Variants in ANKS1A observed in about 807,000 individuals in gnomAD.
ANKS1A encodes the protein ankyrin repeat and SAM domain-containing protein 1A.
In ANKS1A, 55 loss-of-function variants were observed where a neutral mutation model predicts 120.3. The observed-to-expected ratio is 0.46, with a 90% confidence interval of 0.37 to 0.57. The LOEUF (loss-of-function observed/expected upper bound fraction) is 0.57. Among genes scored for constraint, ANKS1A ranks in the 20% least tolerant of loss-of-function variants. ANKS1A has a pLI of 0.00. For synonymous variants in ANKS1A, 590 were observed against 604.7 expected (o/e 0.98, Z 0.36); for missense variants, 1,123 against 1,480.3 (o/e 0.76, Z 3.96).
At chr6:35,056,750 T>C (rs1245539766) in intron 12 of ANKS1A, among the ~76,000 whole-genome samples, 1 of 152,110 alleles carries the variant, frequency 6.6e-6, no homozygotes, top group Non-Finnish European at 1.5e-5. Flanking sequence ...CAGGCACATG[T>C]GGGGGACCAC....
chr6:34,927,682 G>A lies in ANKS1A; in HGVS notation c.197+38083G>A, dbSNP rs78847208. 3.0e-4 allele frequency among the ~76,000 whole-genome samples: 45 copies of A among 152,288 alleles called. No homozygotes were observed. In the East Asian group the frequency reaches 7.5e-3, roughly 25 times the overall value. On this transcript the variant is annotated intron_variant, in intron 1 of 23. Transcript: ENST00000360359. ...CATAAAGAGGCAGGTGTAAGTCTTG[G>A]TATTGTTTTGAAACAGTACTGTAAT...
At chr6:35,032,012 G>A (rs1015754218) in intron 11 of ANKS1A, among the ~76,000 whole-genome samples, 1 of 152,194 alleles carries the variant, frequency 6.6e-6, no homozygotes, top group Non-Finnish European at 1.5e-5. Context: ...CACTGATGGA[G>A]AGCCTACTGT....
chr6:34,994,524 G>A, intron 10 of ANKS1A, 102 bp downstream of exon 10: 1 of 1,490,672 alleles, frequency 6.7e-7, no homozygotes, highest in Admixed American at 1.9e-5. Context: ...ATATTCCTTG[G>A]GTTGTGGTGG....
chr6:35,012,134 A>G (rs1317058110), intron 10 of ANKS1A, among the ~76,000 whole-genome samples: 2 of 152,154 alleles, frequency 1.3e-5, no homozygotes, highest in African/African-American at 4.8e-5. Flanking sequence ...CACAGATTCA[A>G]ACTAGCCTAA....
intron 11 of ANKS1A, among the ~76,000 whole-genome samples, chr6:35,041,209 G>A (rs1775440962): frequency 6.6e-6 from 1 of 152,230 alleles, no homozygotes; most frequent in Non-Finnish European, 1.5e-5. Flanking sequence ...TCTTGAGGTT[G>A]TAGCTTCCAC....
At position 35,060,196 on chromosome 6, in the gene ANKS1A, G is replaced by T; in HGVS notation, c.2127G>T (p.Gly709=). ...QSVGEWLESI[G]LQQYESKLLL... is the part of the protein sequence containing the mutation. ...TCGGGGAGTGGCTGGAGTCGATTGG[G>T]CTGCAGCAGTATGAGAGCAAGTTGC... The change falls in exon 13 of 24, where the codon GGG becomes GGT. Residue 709 remains glycine, a synonymous_variant. Coordinates refer to ENST00000360359, the MANE Select transcript of ANKS1A (RefSeq NM_015245.3). The surrounding 1 kb of genome is among the most constrained non-coding windows in gnomAD (Gnocchi z 4.5). The T allele has an allele frequency of 6.2e-7, 1 of 1,612,916 alleles. No homozygotes were observed. The highest frequency in any genetic ancestry group is 8.5e-7 in the Non-Finnish European group (1 of 1,179,776).
rs78133424 is a variant in ANKS1A, at chr6:34,896,425, C to G, written c.197+6826C>G. Among the ~76,000 whole-genome samples the G allele has an allele frequency of 5.9e-4, 90 of 151,928 alleles. 1 individual carries two copies. The highest frequency in any genetic ancestry group is 2.0e-3 in the African/African-American group (85 of 41,484). On this transcript the variant is annotated intron_variant, in intron 1 of 23. Coordinates refer to ENST00000360359, the MANE Select transcript of ANKS1A (RefSeq NM_015245.3). The stretch of plus-strand genomic sequence containing the variant: ...GTGTGATTTTGTTGGGAGGGCAGCC[C>G]TGTTCCTGCATTTTGGAATTGCTGT...
At chr6:34,984,788 A>G (rs141495554) in intron 7 of ANKS1A, among the ~76,000 whole-genome samples, 61 of 152,226 alleles carry the variant, frequency 4.0e-4, no homozygotes, top group African/African-American at 1.3e-3. Flanking sequence ...GGTTAAGTTT[A>G]TGTCATTATG....
the ANKS1A span, among the ~76,000 whole-genome samples, chr6:35,096,425 G>A: frequency 1.3e-5 from 2 of 152,192 alleles, no homozygotes; most frequent in Non-Finnish European, 2.9e-5. Context: ...CTTTTCTGGA[G>A]AATTTACTTT....
At chr6:34,952,553 C>T (rs1470983353) in intron 1 of ANKS1A, among the ~76,000 whole-genome samples, 1 of 152,192 alleles carries the variant, frequency 6.6e-6, no homozygotes, top group Non-Finnish European at 1.5e-5. Flanking sequence ...GACAGATAGA[C>T]AAATACACAC....
rs926594882 is a variant in ANKS1A at position 35,076,479 on chromosome 6, G to A, written c.2185-2079G>A. ...GAGCTCTGGGTGTCCCCAAGTGTGC[G>A]GCACCAGGGCCATGTGGACAGCAGC... On this transcript the variant is annotated intron_variant, in intron 13 of 23. Coordinates refer to ENST00000360359, the MANE Select transcript of ANKS1A (RefSeq NM_015245.3). Among the ~76,000 whole-genome samples, 12 of 152,202 alleles carry A rather than the reference G, an allele frequency of 7.9e-5. 1 individual carries two copies. Among genetic ancestry groups the A allele is most frequent in the African/African-American group, 2.7e-4 (11 of 41,454 alleles).
chr6:34,962,331 T>C (rs1457780362), intron 1 of ANKS1A, among the ~76,000 whole-genome samples: 1 of 152,266 alleles, frequency 6.6e-6, no homozygotes, highest in African/African-American at 2.4e-5. Context: ...TCGAAATACA[T>C]GTATCTTGCT....
rs531058658 is a variant in ANKS1A at position 35,020,512 on chromosome 6, G to A, written c.2010+2453G>A. Among the ~76,000 whole-genome samples the A allele has an allele frequency of 4.6e-5, 7 of 152,242 alleles. No homozygotes were observed. In the South Asian group the frequency reaches 1.5e-3, roughly 32 times the overall value. ...GGCAGTATCTCAGAATCCTTTAAAC[G>A]GGCTGGAAGACAGCTTTACCAGTCT... On this transcript the variant is annotated intron_variant, in intron 11 of 23. Transcript: ENST00000360359.
At chr6:34,945,859 A>G (rs1310236215) in intron 1 of ANKS1A, among the ~76,000 whole-genome samples, 1 of 152,046 alleles carries the variant, frequency 6.6e-6, no homozygotes, top group Non-Finnish European at 1.5e-5. Context: ...ATTTGGCTAT[A>G]ATATTTCTTC....
chr6:35,042,892 A>G (rs534228963), intron 11 of ANKS1A, among the ~76,000 whole-genome samples: 1 of 152,350 alleles, frequency 6.6e-6, no homozygotes. Flanking sequence ...TTTGGGGGAC[A>G]TAAGGTTGCC....
intron 13 of ANKS1A, among the ~76,000 whole-genome samples, chr6:35,061,636 T>C (rs1053657100): frequency 2.7e-4 from 41 of 152,374 alleles, no homozygotes; most frequent in African/African-American, 7.7e-4. Flanking sequence ...TGTGCAACAA[T>C]GCACCCTTTC....
At chr6:34,941,637 A>C (rs1271804882) in intron 1 of ANKS1A, among the ~76,000 whole-genome samples, 3 of 152,238 alleles carry the variant, frequency 2.0e-5, no homozygotes, top group Non-Finnish European at 4.4e-5. Flanking sequence ...ATTTTTAAAA[A>C]ATCTAATGAA....
intron 11 of ANKS1A, among the ~76,000 whole-genome samples, chr6:35,048,406 C>T (rs890370274): frequency 2.0e-5 from 3 of 152,152 alleles, no homozygotes; most frequent in Non-Finnish European, 2.9e-5. Flanking sequence ...CTGGTCGCCT[C>T]GGCAAGGACA....
rs1051722316 is a variant in ANKS1A at position 35,048,401 on chromosome 6, C to T, written c.2011-5698C>T. Among the ~76,000 whole-genome samples the T allele has an allele frequency of 3.9e-5, 6 of 152,136 alleles. No homozygotes were observed. The East Asian group carries it at 7.7e-4, about 20-fold the overall frequency. On this transcript the variant is annotated intron_variant, in intron 11 of 23. Coordinates refer to ENST00000360359, the MANE Select transcript of ANKS1A (RefSeq NM_015245.3). The stretch of plus-strand genomic sequence containing the variant: ...CTCATTGTTAGCCGCCATGTCTGGT[C>T]GCCTCGGCAAGGACAGCCCTGAGCC...
Sources: allele counts gnomAD v4.1 joint callset (sites outside exome capture counted in the v4.1 genomes callset), GRCh38; gene constraint gnomAD v4.1.1; non-coding constraint Gnocchi (gnomAD v3.1); transcripts MANE v1.5; gene names NCBI Gene and HGNC (gene_info 2026-07-23, HGNC 2026-07-21).